The following RTN4RL1 variants were observed in gnomAD, a reference collection of about 807,000 sequenced individuals.
RTN4RL1 encodes reticulon 4 receptor like 1, also known as reticulon-4 receptor-like 1.
A neutral mutation model predicts 25.6 loss-of-function variants in RTN4RL1; 7 were observed. That is an observed-to-expected ratio of 0.27 (90% CI 0.16 to 0.51). The LOEUF is 0.51. RTN4RL1 is among the 20% of genes least tolerant of loss of function. The pLI is 0.97. For synonymous variants in RTN4RL1, 297 were observed against 288.2 expected (o/e 1.03, Z -0.31); for missense variants, 500 against 615.6 (o/e 0.81, Z 1.99).
At chr17:2,014,836 GAA>G (rs113628933) in intron 1 of RTN4RL1, among the ~76,000 whole-genome samples, 4 of 138,442 alleles carry the variant, frequency 2.9e-5, no homozygotes, top group Admixed American at 7.3e-5. Context: ...CATCTCAAAG[GAA>G]AAAAAAAAAA....
In RTN4RL1 at chr17:2,002,581, C is replaced by T. The variant is rs575016328; in HGVS notation, c.13+22272G>A. ...TGCTGGGATTACAGGCGTGAGCCACCGCGCCCGGCCTGTCTTTCTTTATTT... is the reference window on the plus strand; with the variant it reads ...TGCTGGGATTACAGGCGTGAGCCACTGCGCCCGGCCTGTCTTTCTTTATTT... On this transcript the variant is annotated intron_variant, in intron 1 of 1. Transcript: ENST00000331238. 1.8e-4 allele frequency among the ~76,000 whole-genome samples: 27 copies of T among 151,906 alleles called. 1 individual carries two copies. The highest frequency in any genetic ancestry group is 3.2e-4 in the Non-Finnish European group (22 of 67,966).
intron 1 of RTN4RL1, among the ~76,000 whole-genome samples, chr17:2,015,642 G>A (rs1040067533): frequency 1.6e-4 from 24 of 152,292 alleles, no homozygotes; most frequent in African/African-American, 5.8e-4. Context: ...AAGGTCTGTC[G>A]GGTTTAGTGT....
intron 1 of RTN4RL1, among the ~76,000 whole-genome samples, chr17:1,973,896 G>A (rs535844910): frequency 5.3e-5 from 8 of 152,090 alleles, no homozygotes; most frequent in East Asian, 3.9e-4. Flanking sequence ...AAAATTAGCC[G>A]GGTGTGGTAG....
chr17:2,015,464 A>G (rs1490284965), intron 1 of RTN4RL1, among the ~76,000 whole-genome samples: 2 of 152,130 alleles, frequency 1.3e-5, no homozygotes, highest in Non-Finnish European at 1.5e-5. Context: ...AGAGCCAAGC[A>G]TGGCGCTGCC....
chr17:1,988,562 G>A (rs912585948), intron 1 of RTN4RL1, among the ~76,000 whole-genome samples: 1 of 150,980 alleles, frequency 6.6e-6, no homozygotes, highest in African/African-American at 2.4e-5. Flanking sequence ...CCTCAATGAT[G>A]GAACATCCCT....
chr17:1,943,300 A>G (rs1433987361), intron 1 of RTN4RL1, among the ~76,000 whole-genome samples: 1 of 152,176 alleles, frequency 6.6e-6, no homozygotes, highest in Non-Finnish European at 1.5e-5. Context: ...CCCCAGCTCC[A>G]TCCTGCACGT....
At chr17:1,962,279 GAA>G (rs1326927040) in intron 1 of RTN4RL1, among the ~76,000 whole-genome samples, 2 of 124,220 alleles carry the variant, frequency 1.6e-5, no homozygotes, top group African/African-American at 3.0e-5. Flanking sequence ...ACCCTCTCTG[GAA>G]AAAAAAAAAA....
chr17:2,013,442 C>G (rs2067075734), intron 1 of RTN4RL1, among the ~76,000 whole-genome samples: 1 of 152,256 alleles, frequency 6.6e-6, no homozygotes, highest in Non-Finnish European at 1.5e-5. Flanking sequence ...AGGGCTTTCT[C>G]TAGCAGCGGA....
At position 1,988,521 on chromosome 17, in the gene RTN4RL1, AAG is replaced by A. The variant is rs1491501733; in HGVS notation, c.13+36330_13+36331del. Among the ~76,000 whole-genome samples the A allele has an allele frequency of 1.2e-3, 102 of 86,090 alleles. 2 individuals are homozygous for A. The highest frequency in any genetic ancestry group is 4.3e-3 in the African/African-American group (97 of 22,638). The allele number at this position is 86,090 out of a possible 152,430, so 56.5% of individuals were successfully genotyped here. On this transcript the variant is annotated intron_variant, in intron 1 of 1. Coordinates refer to ENST00000331238, the MANE Select transcript of RTN4RL1 (RefSeq NM_178568.4). ...GACTCTGTCTCAAAAAAAAAAAAAAAAGAAAAGAAAAGAAAAAGAAAGAATTA... is the reference window on the plus strand; with the variant it reads ...GACTCTGTCTCAAAAAAAAAAAAAAAAAAAGAAAAGAAAAAGAAAGAATTA...
chr17:1,955,212 C>A (rs181768615), intron 1 of RTN4RL1, among the ~76,000 whole-genome samples: 3 of 152,272 alleles, frequency 2.0e-5, no homozygotes, highest in Admixed American at 2.0e-4. Context: ...CCCTATTTCT[C>A]CCTGTAAGGT....
At chr17:2,011,620 C>CT (rs1332298449) in intron 1 of RTN4RL1, among the ~76,000 whole-genome samples, 2 of 152,194 alleles carry the variant, frequency 1.3e-5, no homozygotes, top group Non-Finnish European at 2.9e-5. Context: ...CATTCTGGAG[C>CT]TCCTCCCTTG....
intron 1 of RTN4RL1, among the ~76,000 whole-genome samples, chr17:2,000,804 G>A (rs1192978023): frequency 1.3e-5 from 2 of 152,132 alleles, no homozygotes; most frequent in Admixed American, 1.3e-4. Flanking sequence ...ACAGGGGTGC[G>A]CCACTGCAGC....
intron 1 of RTN4RL1, among the ~76,000 whole-genome samples, chr17:1,982,673 C>T (rs1033865959): frequency 7.2e-5 from 11 of 151,842 alleles, no homozygotes; most frequent in Non-Finnish European, 1.5e-5. Context: ...GGCAGTTCCA[C>T]AAACACCGGG....
chr17:2,009,042 GCTCTGGT>G (rs1440951891), intron 1 of RTN4RL1, among the ~76,000 whole-genome samples: 1 of 152,190 alleles, frequency 6.6e-6, no homozygotes, highest in East Asian at 1.9e-4. Flanking sequence ...AGGCACAGGG[GCTCTGGT>G]CTGGCTGGAA....
At chr17:2,015,400 T>C (rs1014537901) in intron 1 of RTN4RL1, among the ~76,000 whole-genome samples, 1 of 152,132 alleles carries the variant, frequency 6.6e-6, no homozygotes, top group Non-Finnish European at 1.5e-5. Context: ...ACGGGATATC[T>C]GGGGAGTCAG....
In RTN4RL1 at chr17:2,024,888, C is replaced by T. The variant is rs1197060790; in HGVS notation, c.-23G>A. ...CATGTTGGCCACGGGGCCGCCGCTCCGAGGTCGGCCTAGGCGCACTCCCTC... is the reference window on the plus strand; with the variant it reads ...CATGTTGGCCACGGGGCCGCCGCTCTGAGGTCGGCCTAGGCGCACTCCCTC... On this transcript the variant is annotated 5_prime_UTR_variant, in exon 1 of 2. Transcript: ENST00000331238. The T allele has an allele frequency of 3.8e-6, 6 of 1,582,552 alleles. No individual in the cohort carries two copies. In the South Asian group the frequency reaches 6.9e-5, roughly 18 times the overall value.
chr17:1,972,243 G>A (rs932399316), intron 1 of RTN4RL1, among the ~76,000 whole-genome samples: 2 of 150,938 alleles, frequency 1.3e-5, no homozygotes, highest in East Asian at 2.0e-4. Flanking sequence ...GGAGGTGAAG[G>A]CTGCAGTGAG....
chr17:2,023,450 C>A (rs1483016753), intron 1 of RTN4RL1: 1 of 152,260 alleles, frequency 6.6e-6, no homozygotes, highest in Non-Finnish European at 1.5e-5. Flanking sequence ...TGCACCGACC[C>A]ACGTGGAGGG....
At chr17:2,022,690 C>T (rs2067224250) in intron 1 of RTN4RL1, among the ~76,000 whole-genome samples, 1 of 152,254 alleles carries the variant, frequency 6.6e-6, no homozygotes, top group Non-Finnish European at 1.5e-5. Flanking sequence ...AGTCACCCGT[C>T]CACACGATGC....
Sources: allele counts gnomAD v4.1 joint callset (sites outside exome capture counted in the v4.1 genomes callset), GRCh38; gene constraint gnomAD v4.1.1; transcripts MANE v1.5; gene names NCBI Gene and HGNC (gene_info 2026-07-23, HGNC 2026-07-21).